The following C2orf76 variants were observed in gnomAD, a reference collection of about 807,000 sequenced individuals.
C2orf76 encodes chromosome 2 open reading frame 76.
In C2orf76, 23 loss-of-function variants were observed where a neutral mutation model predicts 16.9. The ratio of observed to expected loss-of-function variants is 1.36; its 90% CI spans 0.98 to 1.93. The LOEUF (loss-of-function observed/expected upper bound fraction) is 1.93. C2orf76 is among the 30% of genes most tolerant of loss of function. The pLI, the probability that C2orf76 is intolerant of heterozygous loss-of-function variation, is 0.00. For missense variants in C2orf76, 152 were observed against 152.6 expected, an observed-to-expected ratio of 1.00 and a Z score of 0.02; for synonymous variants, 48 against 52.3, an observed-to-expected ratio of 0.92 and a Z score of 0.35.
intron 4 of C2orf76, among the ~76,000 whole-genome samples, chr2:119,316,233 G>A (rs1679170246): frequency 6.6e-6 from 1 of 152,186 alleles, no homozygotes; most frequent in Non-Finnish European, 1.5e-5. Context: ...TCCAAATATG[G>A]TGGCCACACA....
chr2:119,310,825 G>GACTGCACC (rs1164520365), intron 5 of C2orf76, among the ~76,000 whole-genome samples: 1 of 152,158 alleles, frequency 6.6e-6, no homozygotes, highest in African/African-American at 2.4e-5. Flanking sequence ...AGTGAGCCGA[G>GACTGCACC]ACTGCACCAC....
downstream of C2orf76, among the ~76,000 whole-genome samples, chr2:119,297,942 T>A (rs1197007097): frequency 6.6e-6 from 1 of 152,190 alleles, no homozygotes; most frequent in East Asian, 1.9e-4. Flanking sequence ...TTTCTGCTTC[T>A]TTTGATTTCT....
intron 1 of C2orf76, 108 bp from the exon 2 acceptor site, chr2:119,340,079 T>C: frequency 8.1e-7 from 1 of 1,235,528 alleles, no homozygotes; most frequent in Non-Finnish European, 1.1e-6. Flanking sequence ...CGCTCTTCCA[T>C]GCTGCATGAT....
At chr2:119,366,528 G>T (rs962835525) in intron 1 of C2orf76, 2 of 471,242 alleles carry the variant, frequency 4.2e-6, no homozygotes, top group South Asian at 3.1e-5. Flanking sequence ...CATCTCCGGG[G>T]GTCTCCTCTA....
chr2:119,322,853 G>A (rs768960712), intron 2 of C2orf76, among the ~76,000 whole-genome samples: 13 of 151,632 alleles, frequency 8.6e-5, no homozygotes, highest in African/African-American at 2.9e-4. Context: ...TGCTGAGTGG[G>A]GGGTGGGGAG....
chr2:119,365,887 G>A (rs1680954791), intron 1 of C2orf76, among the ~76,000 whole-genome samples: 2 of 152,024 alleles, frequency 1.3e-5, no homozygotes, highest in African/African-American at 4.8e-5. Flanking sequence ...CACTCAGCAT[G>A]ACAGTCAAAG....
chr2:119,327,672 C>T (rs545304971), intron 2 of C2orf76, among the ~76,000 whole-genome samples: 1 of 152,180 alleles, frequency 6.6e-6, no homozygotes, highest in South Asian at 2.1e-4. Flanking sequence ...TGCTGACTTC[C>T]CTTTGCCTTC....
chr2:119,288,332 AT>A, the C2orf76 span, among the ~76,000 whole-genome samples: 4 of 151,588 alleles, frequency 2.6e-5, 1 homozygote, highest in Admixed American at 1.3e-4. Flanking sequence ...AATTTTTTGT[AT>A]TTTTAGTAGA....
Position 119,325,156 on chromosome 2 carries a change from C to T in C2orf76, c.134-3952G>A, listed in dbSNP as rs577940377. Among the ~76,000 whole-genome samples, 32 of 151,724 alleles carry T rather than the reference C, an allele frequency of 2.1e-4. 1 individual carries two copies. In the South Asian group the frequency reaches 6.1e-3, roughly 29 times the overall value. On this transcript the variant is annotated intron_variant, in intron 2 of 5. Transcript: ENST00000334816. Reference sequence around the variant, plus strand: ...TTCAAGACCAGCCTGGACAACATAGCGAGACCCTGTCTCTACAAAAATAAA... The same window carrying T: ...TTCAAGACCAGCCTGGACAACATAGTGAGACCCTGTCTCTACAAAAATAAA...
chr2:119,335,022 G>T (rs1025287271), intron 2 of C2orf76, among the ~76,000 whole-genome samples: 2 of 152,156 alleles, frequency 1.3e-5, no homozygotes, highest in East Asian at 3.8e-4. Flanking sequence ...TCTCACTGTT[G>T]GTATGGGAAT....
intron 1 of C2orf76, among the ~76,000 whole-genome samples, chr2:119,348,359 C>A (rs1159096789): frequency 6.6e-6 from 1 of 152,188 alleles, no homozygotes; most frequent in Non-Finnish European, 1.5e-5. Context: ...TGGATACCAA[C>A]TTTGAAAGAT....
intron 5 of C2orf76, among the ~76,000 whole-genome samples, chr2:119,304,356 G>A (rs1175746854): frequency 1.3e-5 from 2 of 152,192 alleles, no homozygotes; most frequent in Non-Finnish European, 2.9e-5. Flanking sequence ...TTCACTTACT[G>A]CAGTTGACAT....
At chr2:119,336,176 C>T (rs982709105) in intron 2 of C2orf76, among the ~76,000 whole-genome samples, 21 of 152,204 alleles carry the variant, frequency 1.4e-4, no homozygotes, top group African/African-American at 4.3e-4. Context: ...AGGCGGATCT[C>T]TTGAGATCAG....
At chr2:119,302,150 G>A (rs7600423), downstream of C2orf76, 120,554 of 172,500 alleles carry the variant, frequency 0.7, 43,368 homozygotes, top group African/African-American at 0.89. Context: ...TTTTTAAGGA[G>A]CTCTACATGC....
the C2orf76 span, among the ~76,000 whole-genome samples, chr2:119,288,758 G>T: frequency 6.6e-6 from 1 of 151,952 alleles, no homozygotes; most frequent in African/African-American, 2.4e-5. Context: ...CCTTGCTCAG[G>T]CCAGAGACTG....
At chr2:119,301,154 TA>T (rs1374177671), downstream of C2orf76, among the ~76,000 whole-genome samples, 1 of 152,092 alleles carries the variant, frequency 6.6e-6, no homozygotes, top group African/African-American at 2.4e-5. Flanking sequence ...CTGCTATTCT[TA>T]AAATCATTTG....
At chr2:119,334,766 G>A (rs1175035342) in intron 2 of C2orf76, among the ~76,000 whole-genome samples, 1 of 151,768 alleles carries the variant, frequency 6.6e-6, no homozygotes, top group Non-Finnish European at 1.5e-5. Context: ...GTGGTGACAA[G>A]AGAATCTAAT....
At chr2:119,346,054 C>CAAAAAA (rs56669262) in intron 1 of C2orf76, among the ~76,000 whole-genome samples, 7 of 73,510 alleles carry the variant, frequency 9.5e-5, no homozygotes, top group East Asian at 4.3e-4. Flanking sequence ...GACGCCATCT[C>CAAAAAA]AAAAAAAAAA....
the C2orf76 span, among the ~76,000 whole-genome samples, chr2:119,295,720 T>C: frequency 6.6e-6 from 1 of 152,188 alleles, no homozygotes. Flanking sequence ...CCCAAAACGG[T>C]CTGCCCTTAC....
Sources: gnomAD v4.1 joint callset for allele counts (sites outside exome capture counted in the v4.1 genomes callset) on GRCh38, gnomAD v4.1.1 for gene constraint, MANE v1.5 for transcripts, NCBI Gene and HGNC (gene_info 2026-07-23, HGNC 2026-07-21) for gene names.